Variants in ATRNL1 observed in about 807,000 individuals in gnomAD.
ATRNL1 encodes attractin-like protein 1.
ATRNL1 carries 95 observed loss-of-function variants against 182.7 expected under a neutral mutation model. That is an observed-to-expected ratio of 0.52 (90% CI 0.44 to 0.62). ATRNL1 has a LOEUF of 0.62. Among genes scored for constraint, ATRNL1 ranks in the 20% least tolerant of loss-of-function variants. ATRNL1 has a pLI of 0.00. For synonymous variants in ATRNL1, 576 were observed against 568.3 expected (o/e 1.01, Z -0.19); for missense variants, 1,471 against 1,679.5 (o/e 0.88, Z 2.17).
chr10:115,218,283 C>G (rs2144421613), intron 9 of ATRNL1, among the ~76,000 whole-genome samples: 1 of 152,152 alleles, frequency 6.6e-6, no homozygotes, highest in Non-Finnish European at 1.5e-5. Flanking sequence ...GCAGAAAACT[C>G]TGCTCCACGA....
At chr10:115,425,369 A>G (rs139471452) in intron 20 of ATRNL1, among the ~76,000 whole-genome samples, 1 of 151,964 alleles carries the variant, frequency 6.6e-6, no homozygotes, top group African/African-American at 2.4e-5. Flanking sequence ...AATTTTTAGT[A>G]TTTAAATATT....
chr10:115,640,274 C>T (rs1859155086), intron 26 of ATRNL1, among the ~76,000 whole-genome samples: 1 of 152,126 alleles, frequency 6.6e-6, no homozygotes, highest in Non-Finnish European at 1.5e-5. Context: ...GATTTATAAT[C>T]CTTTGGGAAT....
In ATRNL1 at chr10:115,946,934, T is replaced by A. The variant is rs1461381073; in HGVS notation, c.*2155T>A. 6.6e-6 allele frequency: 1 copy of A among 152,338 alleles called. No homozygotes were observed. Among genetic ancestry groups the A allele is most frequent in the Non-Finnish European group, 1.5e-5 (1 of 68,034 alleles). 9.4% of individuals were successfully genotyped at this position (152,338 alleles called of 1,614,324 possible). A position where few individuals can be genotyped will look rare whatever the true frequency, so the allele number is the denominator to read the frequency against. On this transcript the variant is annotated 3_prime_UTR_variant, in exon 29 of 29. Transcript: ENST00000355044. The stretch of plus-strand genomic sequence containing the variant: ...TATATTTTTAGGGAGGCTAAGCAGA[T>A]AGTATTACTGTGGAAGAATTATCAA...
intron 26 of ATRNL1, among the ~76,000 whole-genome samples, chr10:115,720,228 T>C (rs1947381025): frequency 6.6e-6 from 1 of 152,184 alleles, no homozygotes; most frequent in Admixed American, 6.5e-5. Context: ...CAGGCAACCC[T>C]TCCATTTTCT....
At chr10:115,716,641 A>G (rs192804859) in intron 26 of ATRNL1, among the ~76,000 whole-genome samples, 116 of 152,280 alleles carry the variant, frequency 7.6e-4, no homozygotes, top group African/African-American at 2.7e-3. Context: ...GGTTGGGGGA[A>G]CTACTGAGAG....
chr10:115,520,007 C>G (rs543335045), intron 25 of ATRNL1, among the ~76,000 whole-genome samples: 1 of 152,210 alleles, frequency 6.6e-6, no homozygotes, highest in African/African-American at 2.4e-5. Context: ...ATCGTAGATC[C>G]TCTGGATTGG....
intron 15 of ATRNL1, among the ~76,000 whole-genome samples, chr10:115,293,180 CT>C (rs1397236862): frequency 6.6e-6 from 1 of 152,080 alleles, no homozygotes; most frequent in Non-Finnish European, 1.5e-5. Context: ...CTCCTGTTCA[CT>C]TTTGCTTTCT....
intron 27 of ATRNL1, among the ~76,000 whole-genome samples, chr10:115,776,718 A>G (rs1949136331): frequency 6.6e-6 from 1 of 152,020 alleles, no homozygotes; most frequent in Non-Finnish European, 1.5e-5. Context: ...AGCCAGCACC[A>G]CCTTTCTTGG....
chr10:115,115,422 A>G (rs1844439057), intron 1 of ATRNL1, among the ~76,000 whole-genome samples: 1 of 152,116 alleles, frequency 6.6e-6, no homozygotes, highest in African/African-American at 2.4e-5. Context: ...GCTGCAAAAA[A>G]TATGTATGTG....
At chr10:115,683,900 C>T (rs1275707634) in intron 26 of ATRNL1, among the ~76,000 whole-genome samples, 2 of 151,682 alleles carry the variant, frequency 1.3e-5, no homozygotes, top group Non-Finnish European at 3.0e-5. Flanking sequence ...TAAGCAGAGA[C>T]ATAGCAAATA....
intron 28 of ATRNL1, among the ~76,000 whole-genome samples, chr10:115,867,747 T>TTA (rs1555105078): frequency 0.15 from 21,491 of 147,882 alleles, 1,723 homozygotes; most frequent in Non-Finnish European, 0.2. Context: ...TTTTTTTTTT[T>TTA]AATTTTTTGA....
At chr10:115,509,089 A>G (rs1304232753) in intron 24 of ATRNL1, among the ~76,000 whole-genome samples, 1 of 151,978 alleles carries the variant, frequency 6.6e-6, no homozygotes, top group African/African-American at 2.4e-5. Context: ...TATGCTAAAC[A>G]TGTTCTGCCT....
At chr10:115,629,595 A>G (rs1858348176) in intron 26 of ATRNL1, among the ~76,000 whole-genome samples, 1 of 152,166 alleles carries the variant, frequency 6.6e-6, no homozygotes, top group African/African-American at 2.4e-5. Flanking sequence ...ATGTTTTCCA[A>G]AGTGGTAATT....
chr10:115,555,938 C>CT (rs1853290394), intron 26 of ATRNL1, among the ~76,000 whole-genome samples: 1 of 151,746 alleles, frequency 6.6e-6, no homozygotes, highest in African/African-American at 2.4e-5. Context: ...TGCCCTTTAC[C>CT]TATATAAGGA....
At chr10:115,928,163 T>C (rs1358393148) in intron 28 of ATRNL1, among the ~76,000 whole-genome samples, 1 of 152,058 alleles carries the variant, frequency 6.6e-6, no homozygotes, top group Non-Finnish European at 1.5e-5. Flanking sequence ...AAATCAGTAG[T>C]CTCGTATCTT....
At chr10:115,868,478 G>T (rs1951490950) in intron 28 of ATRNL1, among the ~76,000 whole-genome samples, 1 of 152,156 alleles carries the variant, frequency 6.6e-6, no homozygotes, top group African/African-American at 2.4e-5. Context: ...CAGCATGGAG[G>T]CGAGGGCCAT....
chr10:115,286,552 A>G (rs1198473497), intron 15 of ATRNL1, among the ~76,000 whole-genome samples, 155 bp downstream of exon 15: 8 of 151,904 alleles, frequency 5.3e-5, no homozygotes, highest in Non-Finnish European at 1.0e-4. Flanking sequence ...CTTATTTTGT[A>G]TAAGTAATAA....
chr10:115,099,002 A>C (rs1554863931), intron 1 of ATRNL1, among the ~76,000 whole-genome samples: 1 of 152,232 alleles, frequency 6.6e-6, no homozygotes, highest in Non-Finnish European at 1.5e-5. Flanking sequence ...ATGTATTTGC[A>C]TCTGAAACTG....
At chr10:115,597,033 A>G (rs1376596224) in intron 26 of ATRNL1, among the ~76,000 whole-genome samples, 1 of 152,184 alleles carries the variant, frequency 6.6e-6, no homozygotes, top group Non-Finnish European at 1.5e-5. Context: ...TTTGGTATTC[A>G]CAGCTCACAT....
Sources: allele counts gnomAD v4.1 joint callset (sites outside exome capture counted in the v4.1 genomes callset), GRCh38; gene constraint gnomAD v4.1.1; transcripts MANE v1.5; gene names NCBI Gene and HGNC (gene_info 2026-07-23, HGNC 2026-07-21).